Variants in CACNB2 observed in about 807,000 individuals in gnomAD.
CACNB2 encodes calcium voltage-gated channel auxiliary subunit beta 2, also known as voltage-dependent L-type calcium channel subunit beta-2.
Under a neutral mutation model 73.3 loss-of-function variants are expected in CACNB2, and 42 were observed. The ratio of observed to expected loss-of-function variants is 0.57; its 90% CI spans 0.45 to 0.74. CACNB2 has a LOEUF of 0.74. CACNB2 is among the 30% of genes least tolerant of loss of function. CACNB2 has a pLI of 0.00. For missense variants in CACNB2, 940 were observed against 853.0 expected (o/e 1.10, Z -1.27); for synonymous variants, 348 against 310.3 (o/e 1.12, Z -1.28).
At chr10:18,482,641 G>T (rs7084044) in intron 3 of CACNB2, among the ~76,000 whole-genome samples, 21,001 of 151,998 alleles carry the variant, frequency 0.14, 1,886 homozygotes, top group East Asian at 0.48. Context: ...CTCCTGGGTA[G>T]GTGGGAGTAC....
intron 2 of CACNB2, among the ~76,000 whole-genome samples, chr10:18,175,931 G>T (rs757285394): frequency 3.9e-5 from 6 of 152,126 alleles, no homozygotes; most frequent in Non-Finnish European, 8.8e-5. Flanking sequence ...TTTTCCCCTA[G>T]AATTACTGTG....
At chr10:18,305,826 G>A (rs1000070589) in intron 2 of CACNB2, among the ~76,000 whole-genome samples, 4 of 152,098 alleles carry the variant, frequency 2.6e-5, no homozygotes, top group Admixed American at 6.6e-5. Flanking sequence ...GAATTCTCAC[G>A]TGTTAAGAGG....
chr10:18,498,436 G>T lies in CACNB2; in HGVS notation c.415G>T (p.Ala139Ser), dbSNP rs886039055. 5 of 1,614,006 alleles carry T rather than the reference G, an allele frequency of 3.1e-6. No homozygotes were observed. Among genetic ancestry groups the T allele is most frequent in the Non-Finnish European group, 4.2e-6 (5 of 1,179,896 alleles). Residue 139 changes from alanine to serine, a missense_variant, in exon 4 of 14, where the codon GCC becomes TCC. Coordinates refer to ENST00000324631, the MANE Select transcript of CACNB2 (RefSeq NM_201596.3). ...AGATGATGTTCCAGTGCCTGGCATG[G>T]CCATCTCATTCGAAGCAAAAGATTT... ...HEDDVPVPGM[A>S]ISFEAKDFLH... is the part of the protein sequence containing the mutation.
At chr10:18,426,684 A>T (rs2132775162) in intron 3 of CACNB2, among the ~76,000 whole-genome samples, 1 of 152,332 alleles carries the variant, frequency 6.6e-6, no homozygotes, top group East Asian at 1.9e-4. Flanking sequence ...TAAAAAAATT[A>T]AAAATAAATT....
intron 2 of CACNB2, among the ~76,000 whole-genome samples, chr10:18,236,260 A>G (rs2036440225): frequency 1.3e-5 from 2 of 152,162 alleles, no homozygotes; most frequent in South Asian, 4.1e-4. Flanking sequence ...TCTACTTACA[A>G]GCAGAGACAT....
intron 3 of CACNB2, among the ~76,000 whole-genome samples, chr10:18,435,979 T>G (rs904510711): frequency 2.0e-5 from 3 of 152,216 alleles, no homozygotes; most frequent in Non-Finnish European, 4.4e-5. Context: ...TTTGCATAAA[T>G]GAGCTTTTGA....
chr10:18,495,514 C>T (rs895961292), intron 3 of CACNB2, among the ~76,000 whole-genome samples: 10 of 151,256 alleles, frequency 6.6e-5, no homozygotes, highest in South Asian at 6.3e-4. Context: ...CCATCACGCC[C>T]GGCCAAAATA....
chr10:18,478,701 G>A (rs2048565787), intron 3 of CACNB2, among the ~76,000 whole-genome samples: 1 of 152,208 alleles, frequency 6.6e-6, no homozygotes, highest in African/African-American at 2.4e-5. Context: ...CAAGTTATGG[G>A]AGTAGGGAGA....
At chr10:18,451,781 G>A (rs1252346853) in intron 3 of CACNB2, among the ~76,000 whole-genome samples, 3 of 152,198 alleles carry the variant, frequency 2.0e-5, no homozygotes, top group Non-Finnish European at 4.4e-5. Flanking sequence ...ATATTGACAA[G>A]CTAGTGAAAC....
At chr10:18,277,338 T>C (rs1328594816) in intron 2 of CACNB2, among the ~76,000 whole-genome samples, 1 of 152,166 alleles carries the variant, frequency 6.6e-6, no homozygotes, top group African/African-American at 2.4e-5. Context: ...AGAGTGAAGA[T>C]CAAAAGTCGT....
intron 3 of CACNB2, among the ~76,000 whole-genome samples, chr10:18,427,748 G>C (rs1445717534): frequency 1.3e-5 from 2 of 151,958 alleles, no homozygotes; most frequent in African/African-American, 4.8e-5. Context: ...TAGATTTTCA[G>C]AATTTTAGGC....
intron 2 of CACNB2, among the ~76,000 whole-genome samples, chr10:18,215,965 T>C (rs543149847): frequency 2.0e-5 from 3 of 152,234 alleles, no homozygotes; most frequent in South Asian, 2.1e-4. Context: ...CCTTGGTGAT[T>C]GTCATTCTAT....
At chr10:18,325,151 A>T (rs2131978153) in intron 2 of CACNB2, among the ~76,000 whole-genome samples, 1 of 152,238 alleles carries the variant, frequency 6.6e-6, no homozygotes, top group South Asian at 2.1e-4. Flanking sequence ...TAGTTGCAGA[A>T]ACTGACCTAC....
At chr10:18,340,817 T>C in intron 2 of CACNB2, 1 of 1,610,128 alleles carries the variant, frequency 6.2e-7, no homozygotes, top group Non-Finnish European at 8.5e-7. Context: ...AAGCAGTTGC[T>C]ATGCTGTTCA....
chr10:18,196,424 C>T (rs962338355), intron 2 of CACNB2, among the ~76,000 whole-genome samples: 4 of 151,752 alleles, frequency 2.6e-5, no homozygotes, highest in African/African-American at 9.7e-5. Flanking sequence ...TCAAGTGATC[C>T]TCTTACCTCA....
intron 3 of CACNB2, among the ~76,000 whole-genome samples, chr10:18,434,251 T>C (rs942816839): frequency 1.3e-5 from 2 of 152,150 alleles, no homozygotes; most frequent in African/African-American, 4.8e-5. Flanking sequence ...AATCATGACC[T>C]CTATTCATGA....
At chr10:18,165,069 T>G (rs966153332) in intron 2 of CACNB2, among the ~76,000 whole-genome samples, 5 of 152,156 alleles carry the variant, frequency 3.3e-5, no homozygotes, top group Non-Finnish European at 5.9e-5. Context: ...AGTCCAGCAT[T>G]ACGAGTTCTG....
intron 2 of CACNB2, among the ~76,000 whole-genome samples, chr10:18,313,198 A>G (rs994127382): frequency 2.0e-5 from 3 of 151,678 alleles, no homozygotes; most frequent in Non-Finnish European, 4.4e-5. Context: ...TATCTCCAGT[A>G]TATTCCCACT....
chr10:18,463,556 A>C (rs1285660641), intron 3 of CACNB2, among the ~76,000 whole-genome samples: 1 of 151,312 alleles, frequency 6.6e-6, no homozygotes, highest in Non-Finnish European at 1.5e-5. Context: ...CTGGGATTGC[A>C]GGTGCACGCC....
Sources: allele counts gnomAD v4.1 joint callset (sites outside exome capture counted in the v4.1 genomes callset), GRCh38; gene constraint gnomAD v4.1.1; transcripts MANE v1.5; gene names NCBI Gene and HGNC (gene_info 2026-07-23, HGNC 2026-07-21).